Variants in DCHS2 observed in about 807,000 individuals in gnomAD.
DCHS2 encodes the protein dachsous cadherin-related 2, also known as protocadherin-23.
A neutral mutation model predicts 182.4 loss-of-function variants in DCHS2; 142 were observed. That is an observed-to-expected ratio of 0.78 (90% CI 0.68 to 0.89). The LOEUF is 0.89. DCHS2 is among the 40% of genes least tolerant of loss of function. The pLI is 0.00. For synonymous variants in DCHS2, 1,740 were observed against 1,663.3 expected (o/e 1.05, Z -1.12); for missense variants, 4,319 against 4,198.6 (o/e 1.03, Z -0.79).
intron 13 of DCHS2, among the ~76,000 whole-genome samples, chr4:154,291,057 C>A (rs1402101134): frequency 6.6e-6 from 1 of 152,016 alleles, no homozygotes; most frequent in Non-Finnish European, 1.5e-5. Flanking sequence ...GGATTCATAA[C>A]CAGAATGTGT....
intron 3 of DCHS2, among the ~76,000 whole-genome samples, chr4:154,349,441 G>T (rs1020002367): frequency 6.6e-6 from 1 of 152,126 alleles, no homozygotes; most frequent in African/African-American, 2.4e-5. Context: ...TGGGCCTAGC[G>T]CAGGAGCTCC....
At chr4:154,328,733 G>A (rs1183183622) in intron 6 of DCHS2, among the ~76,000 whole-genome samples, 4 of 152,176 alleles carry the variant, frequency 2.6e-5, no homozygotes, top group Non-Finnish European at 5.9e-5. Flanking sequence ...TGATTAAAAA[G>A]TGTAATGATG....
chr4:154,343,498 C>T (rs1343333261), intron 3 of DCHS2: 26 of 1,484,578 alleles, frequency 1.8e-5, no homozygotes, highest in Non-Finnish European at 2.2e-5. Flanking sequence ...AGATTTGCTA[C>T]ATACCTTGCT....
chr4:154,445,532 C>T lies in DCHS2; in HGVS notation c.2052+43772G>A, dbSNP rs1490658. Among the ~76,000 whole-genome samples the T allele has an allele frequency of 2.1e-3, 326 of 152,222 alleles. 10 individuals carry two copies. In the South Asian group the frequency reaches 0.057, roughly 27 times the overall value. ...CTTACAACGAAAGCATAGGCCAGGC[C>T]GGGCATGGTGGTTCACACTTGATCC... On this transcript the variant is annotated intron_variant, in intron 1 of 19. Coordinates refer to ENST00000357232, the MANE Select transcript of DCHS2 (RefSeq NM_001358235.2).
In DCHS2 at chr4:154,332,534, T is replaced by C; in HGVS notation, c.3674A>G (p.Gln1225Arg). The C allele has an allele frequency of 6.2e-7, 1 of 1,614,196 alleles. No individual in the cohort carries two copies. ...AIDMDSGKNG[Q>R]LLYFLLSDGK... ...ATCAGACAAAAGGAAATATAATAGC[T>C]GTCCATTCTTTCCAGAGTCCATGTC... The change falls in exon 5 of 20, where the codon CAG becomes CGG. Residue 1225 changes from glutamine (Q) to arginine (R), a missense_variant. Coordinates refer to ENST00000357232, the MANE Select transcript of DCHS2 (RefSeq NM_001358235.2).
At chr4:154,416,116 ACTG>A (rs1732822019) in intron 1 of DCHS2, among the ~76,000 whole-genome samples, 6 of 152,166 alleles carry the variant, frequency 3.9e-5, no homozygotes, top group African/African-American at 1.2e-4. Flanking sequence ...ATGCAGTAGA[ACTG>A]AGATGAGCAC....
At chr4:154,471,781 T>C (rs1735478918) in intron 1 of DCHS2, among the ~76,000 whole-genome samples, 1 of 152,040 alleles carries the variant, frequency 6.6e-6, no homozygotes, top group Non-Finnish European at 1.5e-5. Context: ...GGAAGAGTAA[T>C]TGTTCATGCA....
At chr4:154,330,839 CA>C (rs1415782186) in intron 5 of DCHS2, among the ~76,000 whole-genome samples, 1 of 152,052 alleles carries the variant, frequency 6.6e-6, no homozygotes, top group African/African-American at 2.4e-5. Context: ...ATCATACACA[CA>C]ATTGCTTTTT....
chr4:154,457,248 G>A (rs1015221106), intron 1 of DCHS2, among the ~76,000 whole-genome samples: 1 of 152,110 alleles, frequency 6.6e-6, no homozygotes, highest in Non-Finnish European at 1.5e-5. Context: ...CTAACCTCAT[G>A]CCCTTTAGCT....
At chr4:154,277,703 T>A (rs1336901565) in intron 13 of DCHS2, among the ~76,000 whole-genome samples, 2 of 146,812 alleles carry the variant, frequency 1.4e-5, no homozygotes, top group Non-Finnish European at 1.5e-5. Context: ...ATAAAACAAA[T>A]CTCCAGGTGC....
intron 1 of DCHS2, among the ~76,000 whole-genome samples, chr4:154,473,385 T>G (rs1735553873): frequency 6.6e-6 from 1 of 152,212 alleles, no homozygotes; most frequent in Non-Finnish European, 1.5e-5. Flanking sequence ...AGTGACCAGC[T>G]GCAAGGAAAG....
chr4:154,486,858 C>A (rs997038036), intron 1 of DCHS2, among the ~76,000 whole-genome samples: 2 of 152,056 alleles, frequency 1.3e-5, no homozygotes, highest in Admixed American at 6.6e-5. Context: ...CTGGAATTTC[C>A]AGAAATTCTA....
In DCHS2 at chr4:154,238,164, G is replaced by GT. The variant is rs767130068; in HGVS notation, c.7492+1005_7493-1005insA. Among the ~76,000 whole-genome samples the GT allele has an allele frequency of 9.9e-5, 15 of 150,762 alleles. No homozygotes were observed. The East Asian group carries it at 2.8e-3, about 28-fold the overall frequency. ...GACAGAGAGAGAAAAGACGGTGGGGGGGTGGGGTGGGGATACAGAGAGAAG... is the reference window on the plus strand; with the variant it reads ...GACAGAGAGAGAAAAGACGGTGGGGGTGGTGGGGTGGGGATACAGAGAGAAG... On this transcript the variant is annotated intron_variant, in intron 19 of 19. Coordinates refer to ENST00000357232, the MANE Select transcript of DCHS2 (RefSeq NM_001358235.2).
intron 1 of DCHS2, among the ~76,000 whole-genome samples, chr4:154,389,535 T>TATATATATATATATATATATAA (rs1243968167): frequency 4.8e-5 from 7 of 146,086 alleles, no homozygotes; most frequent in African/African-American, 1.5e-4. Context: ...TATATATATA[T>TATATATATATATATATATATAA]AACCTTTTTT....
intron 13 of DCHS2, among the ~76,000 whole-genome samples, chr4:154,294,046 A>G (rs1156808520): frequency 6.6e-6 from 1 of 152,160 alleles, no homozygotes. Context: ...ATATCAACAG[A>G]CATTTGGGGA....
At position 154,333,146 on chromosome 4, in the gene DCHS2, G is replaced by A. The variant is rs765925742; in HGVS notation, c.3062C>T (p.Pro1021Leu). The change falls in exon 5 of 20, where the codon CCG becomes CTG. Residue 1021 changes from proline to leucine, a missense_variant. Physicochemically the swap from Pro to Leu is moderately conservative, Grantham distance 98. Transcript: ENST00000357232. ...GTCGATGGCAAAGACGCCTGGCTGC[G>A]GGCTGGCGATGGAGTACCGGATGAG... The part of the protein sequence containing the change: ...NGLIRYSIAS[P>L]QPGVFAIDRA... 1.9e-6 allele frequency: 3 copies of A among 1,614,166 alleles called. No homozygotes were observed. Among genetic ancestry groups the A allele is most frequent in the African/African-American group, 1.3e-5 (1 of 75,068 alleles).
chr4:154,421,299 C>T (rs185419715), intron 1 of DCHS2, among the ~76,000 whole-genome samples: 288 of 152,162 alleles, frequency 1.9e-3, no homozygotes, highest in African/African-American at 6.6e-3. Flanking sequence ...CATTAAGCAT[C>T]GAAATACTTT....
intron 3 of DCHS2, among the ~76,000 whole-genome samples, chr4:154,365,634 G>C (rs1579010987): frequency 6.6e-6 from 1 of 151,222 alleles, no homozygotes; most frequent in Non-Finnish European, 1.5e-5. Flanking sequence ...GTCAGCCACA[G>C]AGCCCAGATA....
Position 154,233,601 on chromosome 4 carries a change from A to AATT in DCHS2, c.*932_*934dup, listed in dbSNP as rs1317918207. The AATT allele has an allele frequency of 3.9e-5, 6 of 152,232 alleles. No homozygotes were observed. Among genetic ancestry groups the AATT allele is most frequent in the Admixed American group, 3.3e-4 (5 of 15,292 alleles). The allele number at this position is 152,232 out of a possible 1,614,324, so 9.4% of individuals were successfully genotyped here. A position where few individuals can be genotyped will look rare whatever the true frequency, so the allele number is the denominator to read the frequency against. On this transcript the variant is annotated 3_prime_UTR_variant, in exon 20 of 20. Transcript: ENST00000357232. The stretch of plus-strand genomic sequence containing the variant: ...TTTAAAAACTGACATTGAGTGGATA[A>AATT]ATTATTTCACACAAAAAAGTTACTG...
Sources: allele counts gnomAD v4.1 joint callset (sites outside exome capture counted in the v4.1 genomes callset), GRCh38; gene constraint gnomAD v4.1.1; transcripts MANE v1.5; gene names NCBI Gene and HGNC (gene_info 2026-07-23, HGNC 2026-07-21).